Variants in DNAH11 observed in about 807,000 individuals in gnomAD.
DNAH11 encodes the protein dynein axonemal heavy chain 11.
DNAH11 carries 442 observed loss-of-function variants against 526.0 expected under a neutral mutation model. That is an observed-to-expected ratio of 0.84 (90% CI 0.78 to 0.91). The LOEUF (loss-of-function observed/expected upper bound fraction) is 0.91. Ranked by LOEUF, DNAH11 falls within the 40% of genes least tolerant of loss-of-function variation. The pLI is 0.00. For synonymous variants in DNAH11, 2,461 were observed against 1,935.9 expected (o/e 1.27, Z -7.12); for missense variants, 6,989 against 5,448.7 (o/e 1.28, Z -8.90).
intron 20 of DNAH11, among the ~76,000 whole-genome samples, chr7:21,612,632 C>A (rs17144781): frequency 0.13 from 20,149 of 149,416 alleles, 1,436 homozygotes; most frequent in East Asian, 0.2. Context: ...TTTCAAGAAA[C>A]GGATCTCATT....
rs1240003077 is a variant in DNAH11, at chr7:21,742,148, T to C, written c.8136T>C (p.Asp2712=). The part of the protein sequence containing the change: ...IKFHYIFNLR[D]LSNVFQGILF... ...TCCACTACATCTTTAATCTGAGAGATTTATCAAACGTCTTCCAGGTACCTT... is the reference window on the plus strand; with the variant it reads ...TCCACTACATCTTTAATCTGAGAGACTTATCAAACGTCTTCCAGGTACCTT... Residue 2712 remains aspartate (D), a synonymous_variant, in exon 49 of 82, where the codon GAT becomes GAC. Coordinates refer to ENST00000409508, the MANE Select transcript of DNAH11 (RefSeq NM_001277115.2). 6.2e-7 allele frequency: 1 copy of C among 1,613,824 alleles called. No homozygotes were observed.
At chr7:21,781,072 A>C (rs1044595364) in intron 57 of DNAH11, among the ~76,000 whole-genome samples, 2 of 152,212 alleles carry the variant, frequency 1.3e-5, no homozygotes, top group African/African-American at 4.8e-5. Context: ...TCAATACCTG[A>C]ATCCATGCTC....
intron 42 of DNAH11, among the ~76,000 whole-genome samples, chr7:21,715,999 G>A (rs997503597): frequency 6.6e-6 from 1 of 151,946 alleles, no homozygotes; most frequent in Non-Finnish European, 1.5e-5. Context: ...AGTGGGATCG[G>A]TAGATTTTCT....
At position 21,773,928 on chromosome 7, in the gene DNAH11, C is replaced by G. The variant is rs1277063931; in HGVS notation, c.9265C>G (p.Gln3089Glu). Residue 3089 changes from glutamine to glutamate, a missense_variant, in exon 56 of 82, where the codon CAA becomes GAA. Physicochemically the swap from Gln to Glu is conservative, Grantham distance 29 (BLOSUM62 2). Transcript: ENST00000409508. ...SLFKNLLKKKQNEVSEKKERL... is the reference protein window; with the variant it reads ...SLFKNLLKKKENEVSEKKERL... ...GTTTAAGAACCTGTTGAAGAAGAAG[C>G]AAAATGAGGTATCCGAGAAAAAAGA... 7 of 1,582,360 alleles carry G rather than the reference C, an allele frequency of 4.4e-6. No individual in the cohort carries two copies. The highest frequency in any genetic ancestry group is 5.2e-6 in the Non-Finnish European group (6 of 1,163,410).
intron 8 of DNAH11, among the ~76,000 whole-genome samples, chr7:21,576,772 G>A (rs1180828067): frequency 6.6e-6 from 1 of 152,118 alleles, no homozygotes; most frequent in East Asian, 1.9e-4. Flanking sequence ...AAAACAAAGT[G>A]TTCAATGCAC....
intron 79 of DNAH11, among the ~76,000 whole-genome samples, chr7:21,895,391 G>A (rs1008176041): frequency 3.3e-5 from 5 of 152,196 alleles, no homozygotes; most frequent in African/African-American, 1.2e-4. Flanking sequence ...TTGCAAGCCT[G>A]AGATTCCTCT....
At chr7:21,561,242 C>A in intron 5 of DNAH11, 72 bp downstream of exon 5, 1 of 1,131,826 alleles carries the variant, frequency 8.8e-7, no homozygotes, top group Non-Finnish European at 1.3e-6. Flanking sequence ...CCTGCTCGGC[C>A]TTGATATTTA....
intron 60 of DNAH11, 113 bp from the exon 61 acceptor site, chr7:21,789,128 A>G: frequency 1.2e-6 from 1 of 806,766 alleles, no homozygotes; most frequent in Non-Finnish European, 2.0e-6. Context: ...ATCTCAATAA[A>G]AAAAGAGAAG....
At chr7:21,762,995 A>T (rs2390553) in intron 54 of DNAH11, among the ~76,000 whole-genome samples, 16 of 151,692 alleles carry the variant, frequency 1.1e-4, no homozygotes. Flanking sequence ...ATTAATTCAC[A>T]TTTTAAAATC....
At chr7:21,728,240 T>TTA (rs1785220148) in intron 45 of DNAH11, among the ~76,000 whole-genome samples, 4 of 4,008 alleles carry the variant, frequency 1.0e-3, no homozygotes, top group Non-Finnish European at 2.8e-3. Flanking sequence ...CACAATTCTT[T>TTA]TTTTTTTTTT....
chr7:21,613,992 G>C (rs1037418071), intron 20 of DNAH11, among the ~76,000 whole-genome samples: 1 of 150,644 alleles, frequency 6.6e-6, no homozygotes, highest in South Asian at 2.1e-4. Flanking sequence ...GCCCAGGCTG[G>C]TCTCAAACTC....
chr7:21,734,288 G>T (rs1372666611), intron 45 of DNAH11, among the ~76,000 whole-genome samples: 1 of 152,180 alleles, frequency 6.6e-6, no homozygotes. Flanking sequence ...AAAGTGCTTA[G>T]CATGGTACCT....
In DNAH11 at chr7:21,763,825, T is replaced by TATAC. The variant is rs1562532150; in HGVS notation, c.8941-1600_8941-1599insCATA. On this transcript the variant is annotated intron_variant, in intron 54 of 81. Coordinates refer to ENST00000409508, the MANE Select transcript of DNAH11 (RefSeq NM_001277115.2). ...ACATATACATATACATATATATACA[T>TATAC]ATATATATATACACACACAATGGAA... 2.0e-5 allele frequency among the ~76,000 whole-genome samples: 3 copies of TATAC among 148,472 alleles called. No individual in the cohort carries two copies. The South Asian group carries it at 6.6e-4, about 33-fold the overall frequency.
rs139338082 is a variant in DNAH11, at chr7:21,880,150, T to C, written c.12196-552T>C. Among the ~76,000 whole-genome samples, 364 of 151,882 alleles carry C rather than the reference T, an allele frequency of 2.4e-3. 2 individuals carry two copies. The highest frequency in any genetic ancestry group is 8.5e-3 in the African/African-American group (354 of 41,424). ...GTGACAACTAAGACAAGCAATTTCA[T>C]TTTCAGCAAATGACCTGGAAGTTAT... On this transcript the variant is annotated intron_variant, in intron 74 of 81. Transcript: ENST00000409508.
intron 5 of DNAH11, 92 bp downstream of exon 5, chr7:21,561,262 C>A: frequency 1.1e-6 from 1 of 919,024 alleles, no homozygotes; most frequent in Non-Finnish European, 1.7e-6. Flanking sequence ...ACCCTTCCGC[C>A]ATGTTTGTGG....
Position 21,710,601 on chromosome 7 carries a change from A to T in DNAH11, c.6732A>T (p.Glu2244Asp). ...GTCTCTTCTCATCCATTCTACGAGA[A>T]CAAGCAAATCTTAAGCATGATGGAC... ...FIGLFSSILR[E>D]QANLKHDGPK... is the part of the protein sequence containing the mutation. Residue 2244 changes from glutamate (E) to aspartate (D), a missense_variant, in exon 41 of 82, where the codon GAA becomes GAT. Physicochemically the swap from Glu to Asp is conservative, Grantham distance 45 (BLOSUM62 2). Transcript: ENST00000409508. The T allele has an allele frequency of 6.2e-7, 1 of 1,613,180 alleles. No individual in the cohort carries two copies. The highest frequency in any genetic ancestry group is 1.7e-4 in the Middle Eastern group (1 of 6,052).
intron 81 of DNAH11, among the ~76,000 whole-genome samples, chr7:21,900,546 G>GACTATGC (rs538321030): frequency 9.5e-4 from 138 of 145,422 alleles, no homozygotes; most frequent in Middle Eastern, 3.5e-3. Flanking sequence ...GAGGGGGTTA[G>GACTATGC]ACTATGCAAT....
At chr7:21,814,055 C>G (rs1249216587) in intron 63 of DNAH11, among the ~76,000 whole-genome samples, 2 of 152,170 alleles carry the variant, frequency 1.3e-5, no homozygotes, top group African/African-American at 4.8e-5. Flanking sequence ...AGGCTACAAA[C>G]CTGCACAGCA....
At chr7:21,589,773 T>G (rs935984952) in intron 12 of DNAH11, among the ~76,000 whole-genome samples, 1 of 152,190 alleles carries the variant, frequency 6.6e-6, no homozygotes, top group Non-Finnish European at 1.5e-5. Context: ...GGACAGTTTC[T>G]GGCTTAAATA....
Sources: allele counts gnomAD v4.1 joint callset (sites outside exome capture counted in the v4.1 genomes callset), GRCh38; gene constraint gnomAD v4.1.1; transcripts MANE v1.5; gene names NCBI Gene and HGNC (gene_info 2026-07-23, HGNC 2026-07-21).